The following CLDN16 variants were observed in gnomAD, a reference collection of about 807,000 sequenced individuals.
CLDN16 encodes claudin 16.
In CLDN16, 13 loss-of-function variants were observed where a neutral mutation model predicts 24.6. That is an observed-to-expected ratio of 0.53 (90% CI 0.34 to 0.84). CLDN16 has a LOEUF of 0.84. Among genes scored for constraint, CLDN16 ranks in the 40% least tolerant of loss-of-function variants. CLDN16 has a pLI of 0.01. For synonymous variants in CLDN16, 116 were observed against 106.7 expected, an observed-to-expected ratio of 1.09 and a Z score of -0.54; for missense variants, 298 against 292.7, an observed-to-expected ratio of 1.02 and a Z score of -0.13.
chr3:190,341,416 G>T (rs1003268949), intron 1 of CLDN16, among the ~76,000 whole-genome samples: 17 of 152,158 alleles, frequency 1.1e-4, no homozygotes, highest in African/African-American at 4.1e-4. Flanking sequence ...TTTGGGAATT[G>T]CACCCTCTGA....
At chr3:190,298,642 A>G in the CLDN16 span, among the ~76,000 whole-genome samples, 1 of 151,964 alleles carries the variant, frequency 6.6e-6, no homozygotes, top group South Asian at 2.1e-4. Flanking sequence ...TTTAGTAGAA[A>G]CAGGGTTTCT....
chr3:190,291,575 T>G, the CLDN16 span, among the ~76,000 whole-genome samples: 1 of 152,188 alleles, frequency 6.6e-6, no homozygotes, highest in African/African-American at 2.4e-5. Context: ...GATTAAAATT[T>G]GAGATGTATT....
chr3:190,330,046 C>G (rs559625032), intron 1 of CLDN16, among the ~76,000 whole-genome samples: 2 of 141,788 alleles, frequency 1.4e-5, no homozygotes, highest in Admixed American at 7.3e-5. Context: ...GTCCCCCCTC[C>G]ACCAGCATCA....
At chr3:190,329,431 T>G (rs1375716418) in intron 1 of CLDN16, among the ~76,000 whole-genome samples, 1 of 152,182 alleles carries the variant, frequency 6.6e-6, no homozygotes, top group Admixed American at 6.5e-5. Context: ...TGACTCTTAT[T>G]CCCTATCTCA....
intron 1 of CLDN16, among the ~76,000 whole-genome samples, chr3:190,339,749 A>G (rs559328605): frequency 6.6e-6 from 1 of 152,324 alleles, no homozygotes; most frequent in Admixed American, 6.5e-5. Context: ...AAAAATTACT[A>G]CTACTCCTGC....
chr3:190,296,654 A>C, the CLDN16 span, among the ~76,000 whole-genome samples: 1 of 146,698 alleles, frequency 6.8e-6, no homozygotes, highest in Non-Finnish European at 1.5e-5. Context: ...GGTTCACGCC[A>C]TTCTCCTGCC....
chr3:190,404,627 G>T (rs1048953359), intron 2 of CLDN16, 135 bp from the exon 3 acceptor site: 5 of 820,294 alleles, frequency 6.1e-6, no homozygotes, highest in Non-Finnish European at 1.0e-5. Flanking sequence ...TTATGTTCAA[G>T]TTCATACAAA....
intron 1 of CLDN16, among the ~76,000 whole-genome samples, chr3:190,357,359 T>G (rs1169101292): frequency 2.6e-5 from 4 of 151,976 alleles, no homozygotes; most frequent in African/African-American, 9.7e-5. Flanking sequence ...TTTCTCATAT[T>G]CACTGTGTCC....
the CLDN16 span, among the ~76,000 whole-genome samples, chr3:190,314,559 TA>T: frequency 7.0e-5 from 9 of 128,610 alleles, no homozygotes; most frequent in Non-Finnish European, 1.1e-4. Flanking sequence ...CATGCCTGGC[TA>T]AATTTTTTTT....
chr3:190,347,241 G>A (rs566009030), intron 1 of CLDN16, among the ~76,000 whole-genome samples: 49 of 152,286 alleles, frequency 3.2e-4, no homozygotes, highest in African/African-American at 1.1e-3. Flanking sequence ...TATTTTTAGA[G>A]TAGACTCAAT....
chr3:190,318,910 G>T (rs1716840180), upstream of CLDN16, among the ~76,000 whole-genome samples: 1 of 152,194 alleles, frequency 6.6e-6, no homozygotes, highest in African/African-American at 2.4e-5. Flanking sequence ...CTACACACAT[G>T]TGGATTCATG....
chr3:190,388,899 C>G (rs1718578503), intron 1 of CLDN16, among the ~76,000 whole-genome samples: 1 of 152,038 alleles, frequency 6.6e-6, no homozygotes, highest in South Asian at 2.1e-4. Context: ...AAAGAAAATG[C>G]AAGGCATGCA....
the CLDN16 span, among the ~76,000 whole-genome samples, chr3:190,308,619 A>G: frequency 2.2e-4 from 33 of 152,278 alleles, no homozygotes; most frequent in Non-Finnish European, 1.8e-4. Context: ...TTATATTGCA[A>G]TTGGTGACAA....
chr3:190,405,530 T>G (rs1271323690), intron 3 of CLDN16, among the ~76,000 whole-genome samples: 1 of 151,780 alleles, frequency 6.6e-6, no homozygotes, highest in Non-Finnish European at 1.5e-5. Flanking sequence ...AAATAATTTA[T>G]CTTGTGATTA....
At chr3:190,316,349 G>T in the CLDN16 span, among the ~76,000 whole-genome samples, 430 of 152,204 alleles carry the variant, frequency 2.8e-3, no homozygotes, top group Non-Finnish European at 4.8e-3. Flanking sequence ...ATCTTGCTTT[G>T]CTTCATTGGA....
At chr3:190,345,454 A>G (rs187290917) in intron 1 of CLDN16, among the ~76,000 whole-genome samples, 1 of 152,254 alleles carries the variant, frequency 6.6e-6, no homozygotes, top group Non-Finnish European at 1.5e-5. Context: ...GCAATCCTGG[A>G]ATTATTTGAA....
intron 1 of CLDN16, among the ~76,000 whole-genome samples, chr3:190,388,942 A>G (rs1254783993): frequency 6.6e-6 from 1 of 152,222 alleles, no homozygotes; most frequent in African/African-American, 2.4e-5. Context: ...AGAGGAAAAA[A>G]CATTATCTTA....
chr3:190,404,697 G>A (rs1311082414), intron 2 of CLDN16, 65 bp from the exon 3 acceptor site: 1 of 1,530,742 alleles, frequency 6.5e-7, no homozygotes, highest in African/African-American at 1.4e-5. Flanking sequence ...TTTTTGCTAT[G>A]TCTCTGTGAG....
the CLDN16 span, among the ~76,000 whole-genome samples, chr3:190,303,539 G>C: frequency 2.0e-5 from 3 of 151,980 alleles, no homozygotes; most frequent in African/African-American, 4.8e-5. Flanking sequence ...GGGGAACAAA[G>C]CAATAAATTA....
Sources: gnomAD v4.1 joint callset for allele counts (sites outside exome capture counted in the v4.1 genomes callset) on GRCh38, gnomAD v4.1.1 for gene constraint, MANE v1.5 for transcripts, NCBI Gene and HGNC (gene_info 2026-07-23, HGNC 2026-07-21) for gene names.